Variants in DNHD1 observed in about 807,000 individuals in gnomAD.
The protein encoded by DNHD1 is dynein heavy chain domain 1, also known as dynein heavy chain domain-containing protein 1.
Under a neutral mutation model 458.1 loss-of-function variants are expected in DNHD1, and 383 were observed. The observed-to-expected ratio is 0.84, with a 90% CI of 0.77 to 0.91. DNHD1 has a LOEUF of 0.91. DNHD1 is among the 40% of genes least tolerant of loss of function. The pLI is 0.00. For missense variants in DNHD1, 5,336 were observed against 5,866.1 expected, an observed-to-expected ratio of 0.91 and a Z score of 2.95; for synonymous variants, 2,203 against 2,376.9, an observed-to-expected ratio of 0.93 and a Z score of 2.13.
At position 6,563,546 on chromosome 11, in the gene DNHD1, C is replaced by T. The variant is rs1853627527; in HGVS notation, c.9834C>T (p.Cys3278=). 1.3e-6 allele frequency: 2 copies of T among 1,551,492 alleles called. No homozygotes were observed. The highest frequency in any genetic ancestry group is 1.7e-4 in the Middle Eastern group (1 of 6,014). ...TGWASAKQLL[C]TEDFYQELVF... ...GGGCCAGTGCCAAACAGCTGTTATG[C>T]ACTGAGGATTTTTATCAGGTAGGAA... Residue 3278 remains cysteine (C), a synonymous_variant, in exon 30 of 43, where the codon TGC becomes TGT. Transcript: ENST00000254579.
chr11:6,538,521 C>A lies in DNHD1; in HGVS notation c.3126+11C>A. On this transcript the variant is annotated intron_variant, in intron 15 of 42. Coordinates refer to ENST00000254579, the MANE Select transcript of DNHD1 (RefSeq NM_144666.3). ...ATGGCTTTTGCCAAGGTGCTGACAC[C>A]CTTCCTTGGAGCTCTTGACTGGGAG... 6.4e-7 allele frequency: 1 copy of A among 1,551,754 alleles called. No individual in the cohort carries two copies. The highest frequency in any genetic ancestry group is 8.7e-7 in the Non-Finnish European group (1 of 1,147,006).
chr11:6,549,105 A>C (rs1853282724), intron 24 of DNHD1, 172 bp downstream of exon 24: 20 of 708,688 alleles, frequency 2.8e-5, no homozygotes, highest in Non-Finnish European at 4.3e-5. Context: ...ATCCACTCTC[A>C]TGGCCTCATC....
In DNHD1 at chr11:6,545,899, C is replaced by G; in HGVS notation, c.4960C>G (p.Leu1654Val). The G allele has an allele frequency of 6.4e-7, 1 of 1,551,812 alleles. No homozygotes were observed. The highest frequency in any genetic ancestry group is 8.7e-7 in the Non-Finnish European group (1 of 1,147,020). The part of the protein sequence containing the change: ...GRSFLYNYEY[L>V]GPRLGPLPSL... ...GTCCTTCCTGTACAATTACGAGTAT[C>G]TGGGACCTAGACTAGGGCCTCTACC... The change falls in exon 21 of 43, where the codon CTG becomes GTG. Residue 1654 changes from leucine to valine, a missense_variant. Around this residue, in one of 4 missense-constraint regions of DNHD1, gnomAD observed 3,932 missense variants for 4,365.6 expected, o/e 0.90. Coordinates refer to ENST00000254579, the MANE Select transcript of DNHD1 (RefSeq NM_144666.3). The surrounding 1 kb of genome is among the most constrained non-coding windows in gnomAD (Gnocchi z 4.9).
In DNHD1 at chr11:6,570,931, G is replaced by A. The variant is rs755373335; in HGVS notation, c.13419G>A (p.Leu4473=). 6.2e-7 allele frequency: 1 copy of A among 1,610,458 alleles called. No individual in the cohort carries two copies. The highest frequency in any genetic ancestry group is 2.2e-5 in the East Asian group (1 of 44,794). Residue 4473 remains leucine (L), a synonymous_variant, in exon 42 of 43, where the codon CTG becomes CTA. Coordinates refer to ENST00000254579, the MANE Select transcript of DNHD1 (RefSeq NM_144666.3). ...AGTCCGACGCCCCGTGGTCAGTGCT[G>A]GGGCCAAATGCACGGCGGCCTCTGG... ...QDESDAPWSV[L]GPNARRPLEG... is the part of the protein sequence containing the mutation.
At chr11:6,543,279 T>C (rs1853136692) in intron 18 of DNHD1, among the ~76,000 whole-genome samples, 1 of 152,198 alleles carries the variant, frequency 6.6e-6, no homozygotes. Flanking sequence ...TGTCCCTACC[T>C]CATTTCCAGC....
At chr11:6,518,046 G>GTA (rs1852522327) in intron 7 of DNHD1, among the ~76,000 whole-genome samples, 1 of 152,040 alleles carries the variant, frequency 6.6e-6, no homozygotes, top group Admixed American at 6.6e-5. Flanking sequence ...TTCTGGCTAG[G>GTA]TATAGAATTC....
chr11:6,556,405 T>C (rs1467938667), intron 24 of DNHD1, among the ~76,000 whole-genome samples: 1 of 152,246 alleles, frequency 6.6e-6, no homozygotes, highest in Non-Finnish European at 1.5e-5. Context: ...TATTATTCAT[T>C]AACCTTCAGT....
Position 6,564,051 on chromosome 11 carries a change from G to A in DNHD1, c.10211G>A (p.Cys3404Tyr), listed in dbSNP as rs964437121. 5.2e-6 allele frequency: 8 copies of A among 1,551,598 alleles called. No individual in the cohort carries two copies. Among genetic ancestry groups the A allele is most frequent in the Non-Finnish European group, 6.1e-6 (7 of 1,147,014 alleles). ...GCAAAGACCCTCAGTCAAGCACAGT[G>A]TGGGCAGTATCACAAATGGCCCATG... ...CVAKTLSQAQ[C>Y]GQYHKWPMKA... Residue 3404 changes from cysteine to tyrosine, a missense_variant, in exon 31 of 43, where the codon TGT becomes TAT. Around this residue, in one of 4 missense-constraint regions of DNHD1, gnomAD observed 3,932 missense variants for 4,365.6 expected, o/e 0.90. Coordinates refer to ENST00000254579, the MANE Select transcript of DNHD1 (RefSeq NM_144666.3).
Position 6,556,815 on chromosome 11 carries a change from C to T in DNHD1, c.7520C>T (p.Pro2507Leu). Reference sequence around the variant, plus strand: ...AACTTCCTTGCCACTGTCACAGTGCCAGGATACTGTGAGCGCCCACTGTGT... The same window carrying T: ...AACTTCCTTGCCACTGTCACAGTGCTAGGATACTGTGAGCGCCCACTGTGT... ...TVNFLATVTV[P>L]GYCERPLCPR... Residue 2507 changes from proline (P) to leucine (L), a missense_variant, in exon 25 of 43, where the codon CCA becomes CTA. Pro to Leu is a moderately conservative substitution (Grantham distance 98). Transcript: ENST00000254579. The T allele has an allele frequency of 6.4e-7, 1 of 1,551,656 alleles. No homozygotes were observed. The highest frequency in any genetic ancestry group is 8.7e-7 in the Non-Finnish European group (1 of 1,146,988).
rs368477493 is a variant in DNHD1 at position 6,537,751 on chromosome 11, T to C, written c.2999-632T>C. On this transcript the variant is annotated intron_variant, in intron 14 of 42. Coordinates refer to ENST00000254579, the MANE Select transcript of DNHD1 (RefSeq NM_144666.3). ...TTCGAGACAAGCCTGGCCAACATAGTGAAACCCTGTCTCTACTAAAAATAC... is the reference window on the plus strand; with the variant it reads ...TTCGAGACAAGCCTGGCCAACATAGCGAAACCCTGTCTCTACTAAAAATAC... 8.5e-5 allele frequency among the ~76,000 whole-genome samples: 13 copies of C among 152,148 alleles called. No individual in the cohort carries two copies. The East Asian group carries it at 1.4e-3, about 16-fold the overall frequency.
chr11:6,535,706 C>T (rs1023810158), intron 14 of DNHD1, among the ~76,000 whole-genome samples: 2 of 152,096 alleles, frequency 1.3e-5, no homozygotes, highest in Non-Finnish European at 2.9e-5. Flanking sequence ...AATGAGGACT[C>T]ATGCTTACAG....
intron 38 of DNHD1, 44 bp from the exon 39 acceptor site, chr11:6,568,621 G>A (rs1025446813): frequency 2.5e-6 from 4 of 1,613,686 alleles, no homozygotes; most frequent in Middle Eastern, 1.6e-4. Context: ...GGAAGTGGGA[G>A]GGCAACTGTG....
At chr11:6,512,375 C>A (rs557012864) in intron 7 of DNHD1, among the ~76,000 whole-genome samples, 1 of 151,634 alleles carries the variant, frequency 6.6e-6, no homozygotes, top group East Asian at 1.9e-4. Context: ...CACCCACCAC[C>A]ATGCCCGGCT....
rs1428235092 is a variant in DNHD1, at chr11:6,571,279, G to A, written c.13767G>A (p.Pro4589=). 10 of 1,612,232 alleles carry A rather than the reference G, an allele frequency of 6.2e-6. No homozygotes were observed. The highest frequency in any genetic ancestry group is 5.3e-5 in the African/African-American group (4 of 75,054). ...RVFHLSAFRH[P]RRLLLALRGE... ...TCCACCTGTCAGCCTTTCGCCACCC[G>A]CGCCGCCTGCTGCTGGCATTGCGTG... Residue 4589 remains proline (P), a synonymous_variant, in exon 42 of 43, where the codon CCG becomes CCA. Transcript: ENST00000254579. The surrounding 1 kb of genome is among the most constrained non-coding windows in gnomAD (Gnocchi z 5.0).
intron 3 of DNHD1, among the ~76,000 whole-genome samples, chr11:6,501,002 G>T (rs541816597): frequency 6.6e-6 from 1 of 151,912 alleles, no homozygotes; most frequent in Non-Finnish European, 1.5e-5. Context: ...CATGTGGGGG[G>T]AGTGTTCAAG....
rs753579761 is a variant in DNHD1 at position 6,547,347 on chromosome 11, C to T, written c.6408C>T (p.Pro2136=). Residue 2136 remains proline, a synonymous_variant, in exon 21 of 43, where the codon CCC becomes CCT. Coordinates refer to ENST00000254579, the MANE Select transcript of DNHD1 (RefSeq NM_144666.3). ...TGGCTGACACAACAGGCATATCCCC[C>T]ACAGTGGTAGGCTGTTGTGCCCTAG... The part of the protein sequence containing the change: ...MEVADTTGIS[P]TVVGCCALVW... 7.7e-6 allele frequency: 12 copies of T among 1,551,792 alleles called. No individual in the cohort carries two copies. The South Asian group carries it at 1.3e-4, about 17-fold the overall frequency.
Position 6,556,826 on chromosome 11 carries a change from G to T in DNHD1, c.7531G>T (p.Glu2511Ter), listed in dbSNP as rs373791124. The T allele has an allele frequency of 6.4e-7, 1 of 1,551,648 alleles. No individual in the cohort carries two copies. The highest frequency in any genetic ancestry group is 8.7e-7 in the Non-Finnish European group (1 of 1,146,984). ...LATVTVPGYC[E>*]RPLCPRLFRL... ...CACTGTCACAGTGCCAGGATACTGT[G>T]AGCGCCCACTGTGTCCACGCCTCTT... is the stretch of plus-strand genomic sequence containing the variant. Residue 2511 changes from glutamate (E) to a stop codon, truncating the protein, a stop_gained, in exon 25 of 43, where the codon GAG becomes TAG. Transcript: ENST00000254579. LOFTEE classifies it high-confidence loss of function.
At chr11:6,553,214 A>G (rs1206246362) in intron 24 of DNHD1, among the ~76,000 whole-genome samples, 1 of 152,246 alleles carries the variant, frequency 6.6e-6, no homozygotes, top group Non-Finnish European at 1.5e-5. Context: ...ACATTGAAAA[A>G]TCAATCAGTG....
At chr11:6,529,195 G>C in intron 12 of DNHD1, 74 bp downstream of exon 12, 1 of 1,507,314 alleles carries the variant, frequency 6.6e-7, no homozygotes. Flanking sequence ...CTTGGTCCTG[G>C]AATGTCCTCC....
Sources: gnomAD v4.1 joint callset for allele counts (sites outside exome capture counted in the v4.1 genomes callset) on GRCh38, gnomAD v4.1.1 for gene constraint, gnomAD v4.1.1 regional missense constraint, Gnocchi (gnomAD v3.1) non-coding constraint, MANE v1.5 for transcripts, NCBI Gene and HGNC (gene_info 2026-07-23, HGNC 2026-07-21) for gene names.